Variants in DOCK5 observed in about 807,000 individuals in gnomAD.
The protein encoded by DOCK5 is dedicator of cytokinesis 5, also known as dedicator of cytokinesis protein 5.
A neutral mutation model predicts 251.8 loss-of-function variants in DOCK5; 142 were observed. That is an observed-to-expected ratio of 0.56 (90% confidence interval 0.49 to 0.65). DOCK5 has a LOEUF of 0.65. Ranked by LOEUF, DOCK5 falls within the 30% of genes least tolerant of loss-of-function variation. DOCK5 has a pLI of 0.00. For synonymous variants in DOCK5, 842 were observed against 835.5 expected (o/e 1.01, Z -0.13); for missense variants, 2,111 against 2,312.3 (o/e 0.91, Z 1.79).
intron 1 of DOCK5, among the ~76,000 whole-genome samples, chr8:25,241,537 C>A (rs1049774151): frequency 2.0e-5 from 3 of 151,964 alleles, no homozygotes; most frequent in African/African-American, 7.3e-5. Context: ...AAGAGGAACA[C>A]TTTTACACTG....
intron 40 of DOCK5, among the ~76,000 whole-genome samples, chr8:25,388,002 C>T (rs1312471366): frequency 6.6e-6 from 1 of 152,170 alleles, no homozygotes; most frequent in African/African-American, 2.4e-5. Context: ...AGGCTTGAGT[C>T]CCATAGACTT....
At chr8:25,356,272 A>C (rs568313158) in intron 27 of DOCK5, among the ~76,000 whole-genome samples, 1 of 152,388 alleles carries the variant, frequency 6.6e-6, no homozygotes, top group Admixed American at 6.5e-5. Context: ...GCAGAACAGA[A>C]CCATGATAAG....
At chr8:25,397,640 T>C (rs1298523514) in intron 45 of DOCK5, among the ~76,000 whole-genome samples, 1 of 152,250 alleles carries the variant, frequency 6.6e-6, no homozygotes, top group African/African-American at 2.4e-5. Flanking sequence ...TGTAATACTT[T>C]CAGTGTGTAC....
chr8:25,218,574 T>C (rs760358223), intron 1 of DOCK5, among the ~76,000 whole-genome samples: 2 of 152,208 alleles, frequency 1.3e-5, no homozygotes, highest in African/African-American at 2.4e-5. Context: ...ACTAGTAGGA[T>C]CTTTTAAGTC....
intron 13 of DOCK5, among the ~76,000 whole-genome samples, chr8:25,316,441 A>G (rs1254296014): frequency 1.3e-5 from 2 of 152,194 alleles, no homozygotes; most frequent in African/African-American, 2.4e-5. Context: ...AGATTGCACC[A>G]CTGCACTCCA....
At position 25,411,364 on chromosome 8, in the gene DOCK5, C is replaced by T. The variant is rs999597762; in HGVS notation, c.*66C>T. 1.5e-5 allele frequency: 21 copies of T among 1,365,774 alleles called. No individual in the cohort carries two copies. The highest frequency in any genetic ancestry group is 3.9e-5 in the Admixed American group (1 of 25,882). The allele number at this position is 1,365,774 out of a possible 1,614,324, so 84.6% of individuals were successfully genotyped here. ...TGCTGCCTGAGAACTGGCCTCCAGC[C>T]GGTGTCCTCATTCCATGGGGCTCCC... On this transcript the variant is annotated 3_prime_UTR_variant, in exon 52 of 52. Coordinates refer to ENST00000276440, the MANE Select transcript of DOCK5 (RefSeq NM_024940.8).
chr8:25,332,745 C>T (rs948811416), intron 20 of DOCK5, 53 bp downstream of exon 20: 4 of 1,295,608 alleles, frequency 3.1e-6, no homozygotes, highest in African/African-American at 1.5e-5. Context: ...TTGTAGTTTT[C>T]AATATTTCAC....
chr8:25,185,972 C>T (rs963113413), intron 1 of DOCK5, among the ~76,000 whole-genome samples: 2 of 152,156 alleles, frequency 1.3e-5, no homozygotes, highest in African/African-American at 4.8e-5. Flanking sequence ...CGAATTTTAT[C>T]ACTTCCTCTC....
rs564435555 is a variant in DOCK5 at position 25,215,881 on chromosome 8, A to G, written c.44-27793A>G. On this transcript the variant is annotated intron_variant, in intron 1 of 51. Coordinates refer to ENST00000276440, the MANE Select transcript of DOCK5 (RefSeq NM_024940.8). ...GTCATTTCTATATTAGATTATTAAA[A>G]GTAACACCTCTCAGATTTTTTTCTT... is the stretch of plus-strand genomic sequence containing the variant. Among the ~76,000 whole-genome samples, 551 of 151,908 alleles carry G rather than the reference A, an allele frequency of 3.6e-3. 1 individual carries two copies. The highest frequency in any genetic ancestry group is 5.6e-3 in the Non-Finnish European group (378 of 67,926).
At chr8:25,400,883 C>G in intron 46 of DOCK5, 46 bp from the exon 47 acceptor site, 1 of 1,608,368 alleles carries the variant, frequency 6.2e-7, no homozygotes, top group Non-Finnish European at 8.5e-7. Context: ...CAAAACGATC[C>G]CTCTTCCTGA....
chr8:25,415,352 ATACCT>A lies in DOCK5; in HGVS notation c.*4056_*4060del, dbSNP rs1014987283. 3.9e-5 allele frequency: 6 copies of A among 152,158 alleles called. No homozygotes were observed. The highest frequency in any genetic ancestry group is 1.4e-4 in the African/African-American group (6 of 41,426). The allele number at this position is 152,158 out of a possible 1,614,324, so 9.4% of individuals were successfully genotyped here. A position where few individuals can be genotyped will look rare whatever the true frequency, so the allele number is the denominator to read the frequency against. ...AAGTTGATAAATATCACTTCCTTAG[ATACCT>A]TCATTCAGTGATATATCTGGCTTTT... On this transcript the variant is annotated 3_prime_UTR_variant, in exon 52 of 52. Transcript: ENST00000276440.
Position 25,348,207 on chromosome 8 carries a change from A to AT in DOCK5, c.2754+2603dup, listed in dbSNP as rs373402703. Among the ~76,000 whole-genome samples, 170 of 151,864 alleles carry AT rather than the reference A, an allele frequency of 1.1e-3. 1 individual carries two copies. The highest frequency in any genetic ancestry group is 3.6e-3 in the African/African-American group (151 of 41,394). Reference sequence around the variant, plus strand: ...ATTTGTTCTTCCTGCCTTTTGTTTTATTTTTTTAAACATTGCAGGATTCCC... The same window carrying AT: ...ATTTGTTCTTCCTGCCTTTTGTTTTATTTTTTTTAAACATTGCAGGATTCCC... On this transcript the variant is annotated intron_variant, in intron 26 of 51. Coordinates refer to ENST00000276440, the MANE Select transcript of DOCK5 (RefSeq NM_024940.8).
intron 3 of DOCK5, among the ~76,000 whole-genome samples, chr8:25,272,752 AG>A (rs1803942491): frequency 6.6e-6 from 1 of 152,174 alleles, no homozygotes; most frequent in South Asian, 2.1e-4. Context: ...TGTACTTTCC[AG>A]TGGCACTAAG....
At chr8:25,408,329 G>A (rs1454137211) in intron 49 of DOCK5, among the ~76,000 whole-genome samples, 175 bp downstream of exon 49, 3 of 152,160 alleles carry the variant, frequency 2.0e-5, no homozygotes, top group Non-Finnish European at 4.4e-5. Context: ...CATACCTCAT[G>A]AGAAGTTCGA....
chr8:25,318,330 C>T (rs1805317241), intron 14 of DOCK5, among the ~76,000 whole-genome samples: 1 of 152,068 alleles, frequency 6.6e-6, no homozygotes. Context: ...ACCTCATGAT[C>T]TGCCTGCCTC....
At chr8:25,352,063 A>C (rs989192002) in intron 27 of DOCK5, among the ~76,000 whole-genome samples, 5 of 152,000 alleles carry the variant, frequency 3.3e-5, no homozygotes, top group Non-Finnish European at 5.9e-5. Context: ...TTAAAAAATT[A>C]GCTGGGTGTG....
At position 25,415,601 on chromosome 8, in the gene DOCK5, T is replaced by C. The variant is rs1036622609; in HGVS notation, c.*4303T>C. ...AATGCCTTTGCCATGATTTTGTTGCTATCTGGATTTCAAACATGGACAGTT... is the reference window on the plus strand; with the variant it reads ...AATGCCTTTGCCATGATTTTGTTGCCATCTGGATTTCAAACATGGACAGTT... On this transcript the variant is annotated 3_prime_UTR_variant, in exon 52 of 52. Coordinates refer to ENST00000276440, the MANE Select transcript of DOCK5 (RefSeq NM_024940.8). 2 of 152,252 alleles carry C rather than the reference T, an allele frequency of 1.3e-5. No individual in the cohort carries two copies. The highest frequency in any genetic ancestry group is 2.9e-5 in the Non-Finnish European group (2 of 68,042). The allele number at this position is 152,252 out of a possible 1,614,324, so 9.4% of individuals were successfully genotyped here. A position where few individuals can be genotyped will look rare whatever the true frequency, so the allele number is the denominator to read the frequency against.
intron 39 of DOCK5, 136 bp downstream of exon 39, chr8:25,380,530 G>A: frequency 1.9e-5 from 14 of 735,402 alleles, no homozygotes; most frequent in Admixed American, 1.3e-4. Context: ...CTTGAAATGA[G>A]AATGAAAAAA....
At chr8:25,345,289 G>T in intron 25 of DOCK5, 186 bp from the exon 26 acceptor site, 3 of 526,390 alleles carry the variant, frequency 5.7e-6, no homozygotes, top group Non-Finnish European at 9.6e-6. Context: ...TCTGCGCATT[G>T]AACAAGGGTA....
Sources: gnomAD v4.1 joint callset for allele counts (sites outside exome capture counted in the v4.1 genomes callset) on GRCh38, gnomAD v4.1.1 for gene constraint, MANE v1.5 for transcripts, NCBI Gene and HGNC (gene_info 2026-07-23, HGNC 2026-07-21) for gene names.